Variants in TMEM132C observed in about 807,000 individuals in gnomAD.
The protein encoded by TMEM132C is protein phosphatase 1, regulatory subunit 152.
TMEM132C carries 29 observed loss-of-function variants against 61.4 expected under a neutral mutation model. That is an observed-to-expected ratio of 0.47 (90% CI 0.35 to 0.64). The LOEUF is 0.64. Ranked by LOEUF, TMEM132C falls within the 30% of genes least tolerant of loss-of-function variation. The probability of loss-of-function intolerance (pLI) is 0.00; values close to 1 mark genes in which losing one functional copy is unlikely to be tolerated. For synonymous variants in TMEM132C, 656 were observed against 633.1 expected (o/e 1.04, Z -0.54); for missense variants, 1,408 against 1,476.9 (o/e 0.95, Z 0.76).
chr12:128,580,948 C>T (rs1875311182), intron 3 of TMEM132C, among the ~76,000 whole-genome samples: 1 of 152,162 alleles, frequency 6.6e-6, no homozygotes, highest in Non-Finnish European at 1.5e-5. Context: ...ATGCCAACTG[C>T]ACACCCTCCT....
intron 8 of TMEM132C, among the ~76,000 whole-genome samples, chr12:128,698,645 G>C (rs142391358): frequency 6.6e-5 from 10 of 152,372 alleles, no homozygotes; most frequent in Admixed American, 2.0e-4. Context: ...AATGGCTGCT[G>C]TTATTATGAT....
chr12:128,268,303 G>A (rs1485679436), intron 1 of TMEM132C, among the ~76,000 whole-genome samples: 1 of 152,230 alleles, frequency 6.6e-6, no homozygotes, highest in Non-Finnish European at 1.5e-5. Context: ...AGGTAGCCGT[G>A]TGGTTTTTCC....
chr12:128,576,473 A>G (rs925759280), intron 3 of TMEM132C, among the ~76,000 whole-genome samples: 5 of 152,204 alleles, frequency 3.3e-5, no homozygotes, highest in African/African-American at 1.2e-4. Flanking sequence ...TCTTTGTTCA[A>G]TGGTTCCTAT....
chr12:128,597,347 A>G (rs996891550), intron 3 of TMEM132C, among the ~76,000 whole-genome samples: 1 of 152,086 alleles, frequency 6.6e-6, no homozygotes, highest in Admixed American at 6.6e-5. Context: ...GTATGGTGGC[A>G]CACACCAGTG....
intron 1 of TMEM132C, among the ~76,000 whole-genome samples, chr12:128,383,345 G>T (rs558295916): frequency 3.9e-5 from 6 of 152,290 alleles, no homozygotes; most frequent in African/African-American, 1.4e-4. Context: ...CCAACCGCCC[G>T]TTGGCCAATT....
chr12:128,688,265 G>T (rs534841889), intron 5 of TMEM132C, among the ~76,000 whole-genome samples: 1 of 152,250 alleles, frequency 6.6e-6, no homozygotes, highest in East Asian at 1.9e-4. Context: ...CAACAACATG[G>T]CTGAAACGGT....
intron 4 of TMEM132C, among the ~76,000 whole-genome samples, chr12:128,622,275 C>T (rs1356452245): frequency 3.2e-4 from 44 of 138,482 alleles, no homozygotes; most frequent in African/African-American, 1.0e-3. Flanking sequence ...GCTTGGGAGG[C>T]GGAGGTTGCA....
intron 1 of TMEM132C, among the ~76,000 whole-genome samples, chr12:128,396,546 A>T (rs1431563316): frequency 6.6e-6 from 1 of 152,276 alleles, no homozygotes; most frequent in African/African-American, 2.4e-5. Flanking sequence ...CATTCTGCAC[A>T]TGTATCTCAG....
Position 128,267,260 on chromosome 12 carries a change from G to A in TMEM132C, c.-143G>A. 1 of 327,772 alleles carries A rather than the reference G, an allele frequency of 3.1e-6. No individual in the cohort carries two copies. The highest frequency in any genetic ancestry group is 4.3e-6 in the Non-Finnish European group (1 of 230,446). 20.3% of individuals were successfully genotyped at this position (327,772 alleles called of 1,614,324 possible). A position where few individuals can be genotyped will look rare whatever the true frequency, so the allele number is the denominator to read the frequency against. ...CTGCGGCGGCGTGGACCCGGCAGGG[G>A]CGGGCCTCGGACAGCAGAGACGCAG... On this transcript the variant is annotated 5_prime_UTR_variant, in exon 1 of 9. Transcript: ENST00000435159.
At chr12:128,426,351 C>T (rs566342072) in intron 2 of TMEM132C, among the ~76,000 whole-genome samples, 22 of 152,314 alleles carry the variant, frequency 1.4e-4, no homozygotes, top group South Asian at 1.0e-3. Context: ...CCTGCATGAT[C>T]GTTGGCTCTT....
At chr12:128,664,995 A>C (rs1196867347) in intron 4 of TMEM132C, among the ~76,000 whole-genome samples, 1 of 147,362 alleles carries the variant, frequency 6.8e-6, no homozygotes, top group Non-Finnish European at 1.5e-5. Flanking sequence ...ACATGCACCC[A>C]TATGCACACA....
intron 3 of TMEM132C, among the ~76,000 whole-genome samples, chr12:128,546,900 C>A (rs997723629): frequency 5.9e-5 from 9 of 152,186 alleles, no homozygotes; most frequent in Non-Finnish European, 8.8e-5. Flanking sequence ...GACAAATTGG[C>A]CTGCCTCTGT....
chr12:128,691,092 A>G (rs908141883), intron 5 of TMEM132C, among the ~76,000 whole-genome samples: 4 of 152,240 alleles, frequency 2.6e-5, no homozygotes, highest in Non-Finnish European at 5.9e-5. Flanking sequence ...GCAAATCAGC[A>G]ATTATAGCTT....
intron 2 of TMEM132C, among the ~76,000 whole-genome samples, chr12:128,452,927 T>C (rs763387980): frequency 3.9e-5 from 6 of 152,140 alleles, no homozygotes; most frequent in Non-Finnish European, 8.8e-5. Context: ...TATTTTGTAG[T>C]AAATGTGTAA....
chr12:128,419,503 T>C (rs1481619235), intron 2 of TMEM132C, among the ~76,000 whole-genome samples: 1 of 152,032 alleles, frequency 6.6e-6, no homozygotes, highest in Non-Finnish European at 1.5e-5. Flanking sequence ...ATTCAGTTCT[T>C]CTAATGCTAC....
chr12:128,398,729 G>T (rs993317160), intron 1 of TMEM132C, among the ~76,000 whole-genome samples: 1 of 152,128 alleles, frequency 6.6e-6, no homozygotes, highest in Admixed American at 6.6e-5. Context: ...GATACTTCAC[G>T]CATAGGGATG....
At chr12:128,448,764 A>C (rs76284189) in intron 2 of TMEM132C, among the ~76,000 whole-genome samples, 2 of 152,178 alleles carry the variant, frequency 1.3e-5, no homozygotes, top group African/African-American at 4.8e-5. Context: ...TAACCTGAAC[A>C]TGCAATTATA....
intron 2 of TMEM132C, among the ~76,000 whole-genome samples, chr12:128,508,984 C>G (rs990288485): frequency 8.5e-5 from 13 of 152,198 alleles, no homozygotes; most frequent in Admixed American, 7.9e-4. Flanking sequence ...TGGTTCACAT[C>G]TGCAAATCCA....
At chr12:128,277,639 G>A (rs1474002560) in intron 1 of TMEM132C, among the ~76,000 whole-genome samples, 1 of 152,200 alleles carries the variant, frequency 6.6e-6, no homozygotes, top group Non-Finnish European at 1.5e-5. Flanking sequence ...CACAGGTGGA[G>A]CTGTTTCAGA....
Sources: gnomAD v4.1 joint callset for allele counts (sites outside exome capture counted in the v4.1 genomes callset) on GRCh38, gnomAD v4.1.1 for gene constraint, MANE v1.5 for transcripts, NCBI Gene and HGNC (gene_info 2026-07-23, HGNC 2026-07-21) for gene names.